BANK1: variants seen among roughly 807,000 people sequenced by gnomAD.
BANK1 encodes the protein B cell scaffold protein with ankyrin repeats 1.
Under a neutral mutation model 94.5 loss-of-function variants are expected in BANK1, and 95 were observed. That is an observed-to-expected ratio of 1.00 (90% confidence interval 0.85 to 1.19). The LOEUF (loss-of-function observed/expected upper bound fraction) is 1.19. BANK1 is among the 50% of genes most tolerant of loss of function. The pLI, the probability that BANK1 is intolerant of heterozygous loss-of-function variation, is 0.00. For missense variants in BANK1, 987 were observed against 932.2 expected (o/e 1.06, Z -0.77); for synonymous variants, 334 against 308.4 (o/e 1.08, Z -0.87).
intron 7 of BANK1, among the ~76,000 whole-genome samples, chr4:102,009,435 ATATTT>A (rs1392520608): frequency 1.3e-5 from 2 of 152,154 alleles, no homozygotes; most frequent in African/African-American, 4.8e-5. Context: ...CTGCTTTTGA[ATATTT>A]TATTGTCTTT....
chr4:101,814,455 A>G (rs1725832837), intron 1 of BANK1, among the ~76,000 whole-genome samples: 1 of 152,220 alleles, frequency 6.6e-6, no homozygotes, highest in African/African-American at 2.4e-5. Context: ...AAATGCCAAC[A>G]GAGTTTTCTT....
chr4:102,074,160 T>C lies in BANK1; in HGVS notation c.*161T>C, dbSNP rs757099622. On this transcript the variant is annotated 3_prime_UTR_variant, in exon 17 of 17. Transcript: ENST00000322953. ...AATTTGTTATTGGCAAAATTTATTC[T>C]CATTATACCTGCTTCATATGGGTAT... 2 of 160,640 alleles carry C rather than the reference T, an allele frequency of 1.2e-5. No homozygotes were observed. The highest frequency in any genetic ancestry group is 2.7e-5 in the Non-Finnish European group (2 of 73,886). The allele number at this position is 160,640 out of a possible 1,614,324, so 10.0% of individuals were successfully genotyped here.
intron 7 of BANK1, among the ~76,000 whole-genome samples, chr4:101,971,904 G>C (rs1724969343): frequency 6.6e-6 from 1 of 152,032 alleles, no homozygotes; most frequent in Admixed American, 6.6e-5. Flanking sequence ...AGTATAATTT[G>C]AAGTCAGGTA....
At chr4:101,865,572 G>A (rs35618358) in intron 4 of BANK1, among the ~76,000 whole-genome samples, 11,416 of 152,148 alleles carry the variant, frequency 0.075, 630 homozygotes, top group Admixed American at 0.18. Context: ...TTCCAGCTGG[G>A]AAAGGACATC....
intron 5 of BANK1, among the ~76,000 whole-genome samples, chr4:101,871,061 A>G (rs768482947): frequency 6.6e-6 from 1 of 152,258 alleles, no homozygotes; most frequent in South Asian, 2.1e-4. Flanking sequence ...AATATCACCA[A>G]AAAGGGAACG....
chr4:101,884,393 C>T (rs749263092), intron 5 of BANK1, among the ~76,000 whole-genome samples: 1 of 152,052 alleles, frequency 6.6e-6, no homozygotes, highest in Non-Finnish European at 1.5e-5. Flanking sequence ...GCCATCTTTT[C>T]CTGGTTTTCC....
chr4:101,905,400 C>G lies in BANK1; in HGVS notation c.1009+9990C>G, dbSNP rs79394477. 2.2e-4 allele frequency among the ~76,000 whole-genome samples: 34 copies of G among 152,314 alleles called. 1 individual carries two copies. In the East Asian group the frequency reaches 4.6e-3, roughly 21 times the overall value. The stretch of plus-strand genomic sequence containing the variant: ...GGAATGGCCTGAGCTGGAAATGCCC[C>G]CGTTTAGAATGGGACGGCCCCCTCA... On this transcript the variant is annotated intron_variant, in intron 6 of 16. Coordinates refer to ENST00000322953, the MANE Select transcript of BANK1 (RefSeq NM_017935.5).
intron 5 of BANK1, among the ~76,000 whole-genome samples, chr4:101,871,608 C>T (rs1011866920): frequency 3.9e-5 from 6 of 152,088 alleles, no homozygotes; most frequent in Non-Finnish European, 8.8e-5. Context: ...AGTGAAATAA[C>T]ATTTGTCAAA....
intron 7 of BANK1, among the ~76,000 whole-genome samples, chr4:101,922,060 C>CTGTGTG (rs1723019695): frequency 1.9e-5 from 2 of 106,434 alleles, no homozygotes; most frequent in African/African-American, 3.7e-5. Flanking sequence ...GTGTGTGAGA[C>CTGTGTG]AGAGAGATTT....
intron 5 of BANK1, among the ~76,000 whole-genome samples, chr4:101,881,970 CA>C (rs1047955535): frequency 4.1e-5 from 6 of 147,678 alleles, no homozygotes; most frequent in Non-Finnish European, 7.5e-5. Context: ...TTAATGGGTC[CA>C]AAAAAAAAGA....
chr4:102,033,235 A>G (rs1191177945), intron 10 of BANK1, among the ~76,000 whole-genome samples: 3 of 152,188 alleles, frequency 2.0e-5, no homozygotes, highest in Admixed American at 6.5e-5. Context: ...CTTGTGTACC[A>G]TGTCCAAAAC....
At chr4:101,796,046 A>G (rs957314949) in intron 1 of BANK1, among the ~76,000 whole-genome samples, 1 of 152,226 alleles carries the variant, frequency 6.6e-6, no homozygotes, top group South Asian at 2.1e-4. Context: ...AAAGATTCTT[A>G]TCAGTAGAAG....
Position 102,043,829 on chromosome 4 carries a change from C to A in BANK1, c.1901-10C>A. 6.3e-7 allele frequency: 1 copy of A among 1,581,294 alleles called. No homozygotes were observed. Among genetic ancestry groups the A allele is most frequent in the South Asian group, 1.1e-5 (1 of 89,084 alleles). On this transcript the variant is annotated splice_polypyrimidine_tract_variant and intron_variant, in intron 10 of 16. Transcript: ENST00000322953. ...TGTTCAGTAAATAATATGTTCTATA[C>A]TTTTTACAGTGTTTCAACAAAAGAC... is the stretch of plus-strand genomic sequence containing the variant.
At chr4:101,833,213 AGGT>A (rs1726693887) in intron 2 of BANK1, among the ~76,000 whole-genome samples, 1 of 152,150 alleles carries the variant, frequency 6.6e-6, no homozygotes, top group Non-Finnish European at 1.5e-5. Context: ...TCCCGACCTC[AGGT>A]GACCCACCCA....
At chr4:101,950,091 G>A (rs1724098315) in intron 7 of BANK1, among the ~76,000 whole-genome samples, 1 of 151,644 alleles carries the variant, frequency 6.6e-6, no homozygotes, top group South Asian at 2.1e-4. Context: ...CTACACAAAT[G>A]AGACCCTAAG....
chr4:101,962,904 T>A (rs996838040), intron 7 of BANK1, among the ~76,000 whole-genome samples: 1 of 152,130 alleles, frequency 6.6e-6, no homozygotes, highest in Admixed American at 6.6e-5. Flanking sequence ...ATATATGTAT[T>A]TGAAATTGCT....
intron 1 of BANK1, among the ~76,000 whole-genome samples, chr4:101,818,872 ATT>A (rs70964193): frequency 0.036 from 4,873 of 136,054 alleles, 245 homozygotes; most frequent in African/African-American, 0.12. Context: ...AGATTACTGT[ATT>A]TTTTTTTTTT....
At chr4:101,986,859 A>ATATATGTG (rs1725509092) in intron 7 of BANK1, among the ~76,000 whole-genome samples, 2 of 50,994 alleles carry the variant, frequency 3.9e-5, no homozygotes, top group Non-Finnish European at 8.1e-5. Flanking sequence ...ATATATGTAT[A>ATATATGTG]TATATATGTG....
intron 7 of BANK1, among the ~76,000 whole-genome samples, chr4:101,989,991 T>A (rs534835535): frequency 4.6e-5 from 7 of 152,162 alleles, no homozygotes; most frequent in Non-Finnish European, 8.8e-5. Context: ...TTCCCAAATA[T>A]CATGTGAAGT....
Sources: allele counts gnomAD v4.1 joint callset (sites outside exome capture counted in the v4.1 genomes callset), GRCh38; gene constraint gnomAD v4.1.1; transcripts MANE v1.5; gene names NCBI Gene and HGNC (gene_info 2026-07-23, HGNC 2026-07-21).